TTLL5: variants seen among roughly 807,000 people sequenced by gnomAD.
TTLL5 encodes the protein tubulin tyrosine ligase like 5, also known as tubulin polyglutamylase TTLL5.
TTLL5 carries 132 observed loss-of-function variants against 168.4 expected under a neutral mutation model. That is an observed-to-expected ratio of 0.78 (90% confidence interval 0.68 to 0.91). TTLL5 has a LOEUF of 0.91. Ranked by LOEUF, TTLL5 falls within the 40% of genes least tolerant of loss-of-function variation. The pLI, the probability that TTLL5 is intolerant of heterozygous loss-of-function variation, is 0.00. For missense variants in TTLL5, 1,545 were observed against 1,581.5 expected, an observed-to-expected ratio of 0.98 and a Z score of 0.39; for synonymous variants, 546 against 558.6, an observed-to-expected ratio of 0.98 and a Z score of 0.32.
intron 28 of TTLL5, among the ~76,000 whole-genome samples, chr14:75,848,432 C>T (rs545703718): frequency 6.6e-6 from 1 of 152,160 alleles, no homozygotes; most frequent in African/African-American, 2.4e-5. Context: ...TGATGGCGGT[C>T]CAGTTTTACA....
Position 75,820,056 on chromosome 14 carries a change from C to T in TTLL5, c.3221C>T (p.Ser1074Leu). Residue 1074 changes from serine (S) to leucine (L), a missense_variant, in exon 28 of 32, where the codon TCA becomes TTA. Physicochemically the swap from Ser to Leu is moderately radical, Grantham distance 145. Coordinates refer to ENST00000298832, the MANE Select transcript of TTLL5 (RefSeq NM_015072.5). ...GGCATCATAAACAGAAGCAGTGCTT[C>T]AGCTCCCCCAACCCTCCGACCCATC... ...ATGIINRSSASAPPTLRPIIS... is the reference protein window; with the variant it reads ...ATGIINRSSALAPPTLRPIIS... 6.2e-7 allele frequency: 1 copy of T among 1,607,208 alleles called. No homozygotes were observed. The highest frequency in any genetic ancestry group is 8.5e-7 in the Non-Finnish European group (1 of 1,177,138).
chr14:75,781,443 C>G (rs1447716505), intron 24 of TTLL5, among the ~76,000 whole-genome samples: 3 of 152,070 alleles, frequency 2.0e-5, no homozygotes, highest in Admixed American at 2.0e-4. Flanking sequence ...ATTCGTATGT[C>G]TTTATTCTTT....
At chr14:75,748,446 A>C (rs1889744563) in intron 17 of TTLL5, among the ~76,000 whole-genome samples, 1 of 151,928 alleles carries the variant, frequency 6.6e-6, no homozygotes, top group Non-Finnish European at 1.5e-5. Flanking sequence ...CCTGTTGTTA[A>C]GTATTTGACT....
chr14:75,717,832 T>A, intron 9 of TTLL5, 29 bp from the exon 10 acceptor site: 1 of 1,604,106 alleles, frequency 6.2e-7, no homozygotes, highest in South Asian at 1.1e-5. Context: ...ACTCTGTTCC[T>A]GGCATTTAAC....
intron 13 of TTLL5, 39 bp from the exon 14 acceptor site, chr14:75,733,950 A>G: frequency 6.2e-7 from 1 of 1,603,206 alleles, no homozygotes; most frequent in South Asian, 1.1e-5. Flanking sequence ...GTTAACCTAC[A>G]CACTTATCAA....
intron 29 of TTLL5, among the ~76,000 whole-genome samples, chr14:75,865,521 A>G (rs1193242706): frequency 6.6e-6 from 1 of 152,090 alleles, no homozygotes; most frequent in Non-Finnish European, 1.5e-5. Flanking sequence ...CCCTGAGCCT[A>G]AAATACAAGT....
chr14:75,699,285 G>T lies in TTLL5; in HGVS notation c.585+15G>T. 1.2e-6 allele frequency: 2 copies of T among 1,608,586 alleles called. No homozygotes were observed. Among genetic ancestry groups the T allele is most frequent in the East Asian group, 2.2e-5 (1 of 44,812 alleles). On this transcript the variant is annotated intron_variant, in intron 7 of 31. Coordinates refer to ENST00000298832, the MANE Select transcript of TTLL5 (RefSeq NM_015072.5). ...TGATCAACAATGTAAGTATGCAGCA[G>T]ATGGCAAACCTCTCTCCTCACTTGT...
intron 28 of TTLL5, among the ~76,000 whole-genome samples, chr14:75,839,627 A>G (rs1203882239): frequency 2.0e-5 from 3 of 152,190 alleles, no homozygotes. Context: ...AGAACTCACT[A>G]TGATGTGAAC....
intron 27 of TTLL5, among the ~76,000 whole-genome samples, chr14:75,814,117 A>G (rs1319807839): frequency 6.6e-6 from 1 of 152,242 alleles, no homozygotes; most frequent in Non-Finnish European, 1.5e-5. Flanking sequence ...GGGATGCTCA[A>G]TTGGTATAAT....
intron 27 of TTLL5, among the ~76,000 whole-genome samples, chr14:75,794,377 C>T (rs1344999480): frequency 1.3e-5 from 2 of 150,098 alleles, no homozygotes; most frequent in Non-Finnish European, 3.0e-5. Flanking sequence ...GGGTCACTAA[C>T]TAGATTATAT....
chr14:75,919,674 C>T (rs550504484), intron 31 of TTLL5, among the ~76,000 whole-genome samples: 1 of 152,086 alleles, frequency 6.6e-6, no homozygotes, highest in Non-Finnish European at 1.5e-5. Context: ...TATAAAATTC[C>T]TAGAAGAATA....
intron 17 of TTLL5, among the ~76,000 whole-genome samples, chr14:75,749,797 A>C (rs957052103): frequency 6.6e-6 from 1 of 152,138 alleles, no homozygotes; most frequent in Non-Finnish European, 1.5e-5. Context: ...CTATTTTATT[A>C]GTACACATAT....
At chr14:75,932,031 A>G (rs2034293509) in intron 31 of TTLL5, among the ~76,000 whole-genome samples, 1 of 152,224 alleles carries the variant, frequency 6.6e-6, no homozygotes, top group Non-Finnish European at 1.5e-5. Context: ...AATATGGGAT[A>G]AAAGGTAAAT....
chr14:75,953,974 C>T (rs952340112), intron 31 of TTLL5, among the ~76,000 whole-genome samples: 11 of 152,056 alleles, frequency 7.2e-5, no homozygotes, highest in Non-Finnish European at 1.3e-4. Context: ...TGTGGCCAGG[C>T]GCAGTGGCTC....
intron 30 of TTLL5, among the ~76,000 whole-genome samples, chr14:75,901,912 C>T (rs1021894543): frequency 6.6e-6 from 1 of 152,146 alleles, no homozygotes; most frequent in African/African-American, 2.4e-5. Flanking sequence ...TACTACATTT[C>T]AGTAGGGAGA....
In TTLL5 at chr14:75,707,715, G is replaced by A; in HGVS notation, c.740+8G>A. ...TGAAGAAGGATTGGCTAGGTAAGAA[G>A]CTGTTTGGGGGTGAAGGGGTTGGGT... On this transcript the variant is annotated splice_region_variant and intron_variant, in intron 9 of 31. Coordinates refer to ENST00000298832, the MANE Select transcript of TTLL5 (RefSeq NM_015072.5). 6.2e-7 allele frequency: 1 copy of A among 1,612,298 alleles called. No individual in the cohort carries two copies. The highest frequency in any genetic ancestry group is 8.5e-7 in the Non-Finnish European group (1 of 1,178,840).
intron 10 of TTLL5, 97 bp from the exon 11 acceptor site, chr14:75,719,638 A>G: frequency 9.1e-7 from 1 of 1,104,734 alleles, no homozygotes; most frequent in Non-Finnish European, 1.2e-6. Flanking sequence ...TTAAAAAAAA[A>G]ACTTTTTAAA....
intron 31 of TTLL5, among the ~76,000 whole-genome samples, chr14:75,925,118 G>T (rs1386726176): frequency 6.7e-6 from 1 of 148,412 alleles, no homozygotes; most frequent in Non-Finnish European, 1.5e-5. Flanking sequence ...CCCGGACGGG[G>T]CGGCTGGCCG....
chr14:75,778,441 G>A (rs1460000255), intron 23 of TTLL5, among the ~76,000 whole-genome samples: 1 of 152,200 alleles, frequency 6.6e-6, no homozygotes, highest in Non-Finnish European at 1.5e-5. Flanking sequence ...TCAGTATTCT[G>A]TGAAGGGCCA....
Sources: gnomAD v4.1 joint callset for allele counts (sites outside exome capture counted in the v4.1 genomes callset) on GRCh38, gnomAD v4.1.1 for gene constraint, MANE v1.5 for transcripts, NCBI Gene and HGNC (gene_info 2026-07-23, HGNC 2026-07-21) for gene names.